MTMR10: variants seen among roughly 807,000 people sequenced by gnomAD.
The protein encoded by MTMR10 is myotubularin related protein 10.
A neutral mutation model predicts 88.1 loss-of-function variants in MTMR10; 56 were observed. The ratio of observed to expected loss-of-function variants is 0.64; its 90% CI spans 0.51 to 0.79. MTMR10 has a LOEUF of 0.79. Among genes scored for constraint, MTMR10 ranks in the 30% least tolerant of loss-of-function variants. The probability of loss-of-function intolerance (pLI) is 0.00; values close to 1 mark genes in which losing one functional copy is unlikely to be tolerated. For synonymous variants in MTMR10, 380 were observed against 340.9 expected, an observed-to-expected ratio of 1.11 and a Z score of -1.26; for missense variants, 883 against 924.7, an observed-to-expected ratio of 0.95 and a Z score of 0.58.
At position 30,941,768 on chromosome 15, in the gene MTMR10, A is replaced by G; in HGVS notation, c.2036T>C (p.Phe679Ser). The change falls in exon 16 of 16, where the codon TTT becomes TCT. Residue 679 changes from phenylalanine to serine, a missense_variant. Physicochemically the swap from Phe to Ser is radical, Grantham distance 155. Coordinates refer to ENST00000435680, the MANE Select transcript of MTMR10 (RefSeq NM_017762.3). ...ATCAGCCAGGAGGGAGAGCTTGTGAAAGGCTGTGATGGAGCCACCCAGGCT... is the reference window on the plus strand; with the variant it reads ...ATCAGCCAGGAGGGAGAGCTTGTGAGAGGCTGTGATGGAGCCACCCAGGCT... The part of the protein sequence containing the change: ...QISLGGSITA[F>S]HKLSLLADEV... The G allele has an allele frequency of 6.2e-7, 1 of 1,613,974 alleles. No individual in the cohort carries two copies. Among genetic ancestry groups the G allele is most frequent in the Non-Finnish European group, 8.5e-7 (1 of 1,179,864 alleles).
At position 30,976,972 on chromosome 15, in the gene MTMR10, A is replaced by G. The variant is rs1056671037; in HGVS notation, c.122-17T>C. On this transcript the variant is annotated splice_polypyrimidine_tract_variant and intron_variant, in intron 2 of 15. Transcript: ENST00000435680. ...CAATTTCTCCTTTAAAAAAAGAAAAATATTTGTAAGGTACTTTGTCATAAA... is the reference window on the plus strand; with the variant it reads ...CAATTTCTCCTTTAAAAAAAGAAAAGTATTTGTAAGGTACTTTGTCATAAA... The G allele has an allele frequency of 6.2e-7, 1 of 1,608,430 alleles. No individual in the cohort carries two copies. The highest frequency in any genetic ancestry group is 1.3e-5 in the African/African-American group (1 of 74,550).
chr15:30,953,439 C>G, intron 11 of MTMR10, 123 bp downstream of exon 11: 1 of 701,500 alleles, frequency 1.4e-6, no homozygotes, highest in South Asian at 2.0e-5. Context: ...CGAGATGTTA[C>G]TATTGGGGGA....
chr15:30,929,943 T>TAATATATATCATATATAATATATAA, the MTMR10 span, among the ~76,000 whole-genome samples: 3 of 105,272 alleles, frequency 2.8e-5, no homozygotes, highest in Non-Finnish European at 5.0e-5. Context: ...ATAAAATATA[T>TAATATATATCATATATAATATATAA]AATATAATAT....
chr15:30,938,891 CT>C (rs1453395961), downstream of MTMR10: 2 of 983,768 alleles, frequency 2.0e-6, no homozygotes, highest in African/African-American at 3.5e-5. Flanking sequence ...GCCTTCACCT[CT>C]TCTATCAATC....
Position 30,939,885 on chromosome 15 carries a change from A to G in MTMR10, c.*1585T>C, listed in dbSNP as rs765689812. The G allele has an allele frequency of 1.4e-4, 141 of 985,440 alleles. No homozygotes were observed. The highest frequency in any genetic ancestry group is 1.5e-4 in the Non-Finnish European group (125 of 829,890). The allele number at this position is 985,440 out of a possible 1,614,324, so 61.0% of individuals were successfully genotyped here. On this transcript the variant is annotated 3_prime_UTR_variant, in exon 16 of 16. Coordinates refer to ENST00000435680, the MANE Select transcript of MTMR10 (RefSeq NM_017762.3). ...GAAACTAGCCCTTATTTTCTAGGCA[A>G]CAAGTTGGCAAAAACCTTGGGTTTA... is the stretch of plus-strand genomic sequence containing the variant.
chr15:30,991,382 G>C, intron 1 of MTMR10, 65 bp downstream of exon 1: 1 of 1,379,142 alleles, frequency 7.3e-7, no homozygotes, highest in Non-Finnish European at 9.6e-7. Flanking sequence ...GTTCCCGGGG[G>C]TCGGCCTGGA....
chr15:30,953,768 G>C (rs964652649), intron 10 of MTMR10, 137 bp from the exon 11 acceptor site: 2 of 597,412 alleles, frequency 3.3e-6, no homozygotes, highest in Admixed American at 6.2e-5. Flanking sequence ...TAATAACATG[G>C]AATAAGCATT....
chr15:30,990,881 C>T (rs376284094), intron 1 of MTMR10, 44 bp from the exon 2 acceptor site: 1 of 1,499,126 alleles, frequency 6.7e-7, no homozygotes, highest in African/African-American at 1.4e-5. Flanking sequence ...AATCCCCCCA[C>T]CCTCCGTAAA....
Position 30,941,852 on chromosome 15 carries a change from C to T in MTMR10, c.1952G>A (p.Gly651Glu), listed in dbSNP as rs758658492. 1 of 1,614,028 alleles carries T rather than the reference C, an allele frequency of 6.2e-7. No homozygotes were observed. The highest frequency in any genetic ancestry group is 8.5e-7 in the Non-Finnish European group (1 of 1,179,898). The change falls in exon 16 of 16, where the codon GGA (glycine) becomes GAA (glutamate). Residue 651 changes from glycine (G) to glutamate (E), a missense_variant. By Grantham distance (98) the Gly-to-Glu change is moderately conservative. Transcript: ENST00000435680. ...LHGVILPRVS[G>E]THIKLWKLCY... ...CAGTTTCCACAGTTTTATGTGTGTT[C>T]CAGAGACACGTGGCAGAATAACACC... is the stretch of plus-strand genomic sequence containing the variant.
At chr15:30,938,556 C>T (rs2062933640), downstream of MTMR10, among the ~76,000 whole-genome samples, 1 of 152,110 alleles carries the variant, frequency 6.6e-6, no homozygotes, top group Non-Finnish European at 1.5e-5. Flanking sequence ...GGCTGCTCAT[C>T]ACCATTGTGG....
chr15:30,920,350 C>T, the MTMR10 span, among the ~76,000 whole-genome samples: 2 of 152,244 alleles, frequency 1.3e-5, no homozygotes, highest in South Asian at 2.1e-4. Context: ...TCTTACTCCA[C>T]TGTCTGAGTG....
At chr15:30,933,604 TGTG>T in the MTMR10 span, among the ~76,000 whole-genome samples, 1 of 152,248 alleles carries the variant, frequency 6.6e-6, no homozygotes, top group African/African-American at 2.4e-5. Flanking sequence ...TAGCATTTGT[TGTG>T]GGCAGTATTT....
intron 9 of MTMR10, among the ~76,000 whole-genome samples, chr15:30,958,306 A>G (rs2063354596): frequency 6.6e-6 from 1 of 152,248 alleles, no homozygotes; most frequent in Non-Finnish European, 1.5e-5. Flanking sequence ...GAGGAGCTTC[A>G]GGAGAGTGGA....
In MTMR10 at chr15:30,959,130, GA is replaced by G. The variant is rs11340006; in HGVS notation, c.759-10del. 0.46 allele frequency: 701,260 copies of G among 1,528,644 alleles called. 164,421 individuals carry two copies. The highest frequency in any genetic ancestry group is 0.86 in the East Asian group (36,101 of 42,108). 94.7% of individuals were successfully genotyped at this position (1,528,644 alleles called of 1,614,324 possible). On this transcript the variant is annotated splice_polypyrimidine_tract_variant and intron_variant, in intron 7 of 15. Transcript: ENST00000435680. Reference sequence around the variant, plus strand: ...CAATGTATTCTGGAAGGCTGGAGGGGAAAAAAAAAATTATATGAGTGCTGTG... The same window carrying G: ...CAATGTATTCTGGAAGGCTGGAGGGGAAAAAAAAATTATATGAGTGCTGTG...
the MTMR10 span, chr15:30,928,831 T>C: frequency 1.0e-6 from 1 of 962,102 alleles, no homozygotes; most frequent in African/African-American, 1.8e-5. Context: ...GAATTTAAGA[T>C]GTAAGTATGT....
At chr15:30,960,805 A>G (rs1276722011) in intron 7 of MTMR10, 76 bp downstream of exon 7, 7 of 1,374,300 alleles carry the variant, frequency 5.1e-6, no homozygotes, top group East Asian at 2.5e-5. Flanking sequence ...AAAGTCATCA[A>G]TGACAACAGA....
intron 6 of MTMR10, chr15:30,965,970 T>A: frequency 2.2e-6 from 1 of 450,418 alleles, no homozygotes; most frequent in South Asian, 1.6e-5. Context: ...ACTCACAAAT[T>A]AATGAATTCT....
chr15:30,932,711 CTTTTCT>C, the MTMR10 span, among the ~76,000 whole-genome samples: 1 of 103,250 alleles, frequency 9.7e-6, no homozygotes, highest in African/African-American at 3.6e-5. Flanking sequence ...ATATTTGTTT[CTTTTCT>C]TTTTTTTTTT....
downstream of MTMR10, among the ~76,000 whole-genome samples, chr15:30,935,772 T>G (rs1357471308): frequency 1.3e-5 from 2 of 152,232 alleles, no homozygotes; most frequent in Admixed American, 1.3e-4. Context: ...TTGACAGTTA[T>G]TTTTCAATAC....
Sources: gnomAD v4.1 joint callset for allele counts (sites outside exome capture counted in the v4.1 genomes callset) on GRCh38, gnomAD v4.1.1 for gene constraint, MANE v1.5 for transcripts, NCBI Gene and HGNC (gene_info 2026-07-23, HGNC 2026-07-21) for gene names.